Variants in CAPZB observed in about 807,000 individuals in gnomAD.
CAPZB encodes capping actin protein of muscle Z-line subunit beta, also known as F-actin-capping protein subunit beta.
CAPZB carries 2 observed loss-of-function variants against 38.1 expected under a neutral mutation model. The observed-to-expected ratio is 0.05, with a 90% CI of 0.02 to 0.17. The LOEUF is 0.17. CAPZB is among the 10% of genes least tolerant of loss of function. The pLI is 1.00. For missense variants in CAPZB, 161 were observed against 334.2 expected (o/e 0.48, Z 4.04); for synonymous variants, 107 against 127.4 (o/e 0.84, Z 1.08).
At chr1:19,470,657 C>CGG (rs1045939933) in intron 1 of CAPZB, among the ~76,000 whole-genome samples, 24 of 152,332 alleles carry the variant, frequency 1.6e-4, no homozygotes, top group African/African-American at 5.1e-4. Flanking sequence ...AAGCCCCAAA[C>CGG]CCCTGTGAGC....
intron 2 of CAPZB, among the ~76,000 whole-genome samples, chr1:19,416,381 CA>C (rs1380068192): frequency 9.2e-5 from 14 of 152,306 alleles, no homozygotes; most frequent in African/African-American, 3.4e-4. Flanking sequence ...TCCCAAGCCA[CA>C]TCCCTATCCT....
intron 1 of CAPZB, among the ~76,000 whole-genome samples, chr1:19,482,330 A>G (rs2094632428): frequency 6.6e-6 from 1 of 152,258 alleles, no homozygotes; most frequent in South Asian, 2.1e-4. Flanking sequence ...GAGTTGAACA[A>G]TGTGTCTTAT....
intron 6 of CAPZB, among the ~76,000 whole-genome samples, chr1:19,353,007 C>A (rs969873057): frequency 1.3e-5 from 2 of 152,232 alleles, no homozygotes; most frequent in Non-Finnish European, 1.5e-5. Flanking sequence ...CTGCGAGGTG[C>A]CAGCAAGCCA....
chr1:19,461,537 G>A (rs1164721221), intron 1 of CAPZB, among the ~76,000 whole-genome samples: 1 of 152,210 alleles, frequency 6.6e-6, no homozygotes, highest in African/African-American at 2.4e-5. Flanking sequence ...TGGCTTCCAC[G>A]CATGCTTCCT....
chr1:19,372,053 C>T (rs539616517), intron 4 of CAPZB, among the ~76,000 whole-genome samples: 4 of 152,330 alleles, frequency 2.6e-5, no homozygotes, highest in South Asian at 4.1e-4. Context: ...GCCATGAGGA[C>T]GCCAGCCTTG....
chr1:19,461,035 C>T (rs1435055363), intron 1 of CAPZB, among the ~76,000 whole-genome samples: 1 of 144,580 alleles, frequency 6.9e-6, no homozygotes, highest in Non-Finnish European at 1.5e-5. Context: ...AGTTCATCTT[C>T]ACTCAGATGC....
At chr1:19,399,243 A>G (rs996596128) in intron 2 of CAPZB, among the ~76,000 whole-genome samples, 14 of 152,248 alleles carry the variant, frequency 9.2e-5, no homozygotes, top group Non-Finnish European at 2.1e-4. Context: ...TTATATCTCC[A>G]GAAAGCTGTT....
chr1:19,357,621 G>A lies in CAPZB; in HGVS notation c.330-58C>T, dbSNP rs769676032. 13 of 1,572,312 alleles carry A rather than the reference G, an allele frequency of 8.3e-6. No individual in the cohort carries two copies. The highest frequency in any genetic ancestry group is 1.4e-5 in the African/African-American group (1 of 73,734). On this transcript the variant is annotated intron_variant, in intron 4 of 8. Transcript: ENST00000264202. This position sits in a 1 kb window ranked among gnomAD's most constrained non-coding sequence, Gnocchi z 4.3. ...GCTAAAGGACAGATCATCAGCCTGG[G>A]TCCCAGGCTGCTGCTCAGCAAAGAT...
intron 6 of CAPZB, among the ~76,000 whole-genome samples, chr1:19,346,485 G>GTAGA (rs1248583272): frequency 6.7e-6 from 1 of 148,460 alleles, no homozygotes; most frequent in Non-Finnish European, 1.5e-5. Flanking sequence ...AAAAGAAAGG[G>GTAGA]TAGAGTTCAA....
At chr1:19,482,672 G>A (rs2094633894) in intron 1 of CAPZB, among the ~76,000 whole-genome samples, 1 of 152,184 alleles carries the variant, frequency 6.6e-6, no homozygotes, top group South Asian at 2.1e-4. Context: ...AAAAATCATG[G>A]AATTCATTCC....
intron 2 of CAPZB, among the ~76,000 whole-genome samples, chr1:19,399,862 A>G (rs551633636): frequency 6.6e-6 from 1 of 152,316 alleles, no homozygotes; most frequent in African/African-American, 2.4e-5. Flanking sequence ...GAGTTACTCA[A>G]AAGTTTGTGT....
At chr1:19,343,165 C>G (rs1017427624) in intron 8 of CAPZB, among the ~76,000 whole-genome samples, 1 of 152,218 alleles carries the variant, frequency 6.6e-6, no homozygotes, top group Admixed American at 6.5e-5. Flanking sequence ...TTTGGTGTAT[C>G]GGGCAGTGGC....
intron 2 of CAPZB, among the ~76,000 whole-genome samples, chr1:19,412,143 G>A (rs887025869): frequency 1.3e-5 from 2 of 152,166 alleles, no homozygotes; most frequent in African/African-American, 2.4e-5. Flanking sequence ...CTTGTAAAAC[G>A]GGAACTATAG....
intron 1 of CAPZB, among the ~76,000 whole-genome samples, chr1:19,442,077 A>G (rs12042240): frequency 0.28 from 42,021 of 150,018 alleles, 6,663 homozygotes; most frequent in Middle Eastern, 0.39. Flanking sequence ...TGATAGCTCC[A>G]AATGCTGAAA....
intron 4 of CAPZB, among the ~76,000 whole-genome samples, chr1:19,361,604 T>C (rs982439160): frequency 2.0e-5 from 3 of 152,266 alleles, no homozygotes; most frequent in African/African-American, 7.2e-5. Context: ...GAAGCATTAA[T>C]TAAAGGGGGA....
At chr1:19,479,078 T>A (rs1374789261) in intron 1 of CAPZB, among the ~76,000 whole-genome samples, 1 of 152,054 alleles carries the variant, frequency 6.6e-6, no homozygotes, top group Non-Finnish European at 1.5e-5. Context: ...GGCATGGTGG[T>A]ACGCACCTGT....
intron 1 of CAPZB, among the ~76,000 whole-genome samples, chr1:19,438,867 G>A (rs1391239849): frequency 1.3e-5 from 2 of 152,200 alleles, no homozygotes; most frequent in Admixed American, 6.5e-5. Context: ...AGGAACGGTC[G>A]CTCCCTCCCT....
intron 2 of CAPZB, among the ~76,000 whole-genome samples, chr1:19,409,841 C>T (rs548246365): frequency 6.6e-6 from 1 of 152,332 alleles, no homozygotes; most frequent in Admixed American, 6.5e-5. Flanking sequence ...TCGGCACTGG[C>T]TTATGCACCT....
intron 2 of CAPZB, among the ~76,000 whole-genome samples, chr1:19,410,149 C>T (rs1317455909): frequency 6.6e-6 from 1 of 152,232 alleles, no homozygotes; most frequent in African/African-American, 2.4e-5. Flanking sequence ...TGGAGCTCTG[C>T]AGCTGTCTTC....
Sources: gnomAD v4.1 joint callset for allele counts (sites outside exome capture counted in the v4.1 genomes callset) on GRCh38, gnomAD v4.1.1 for gene constraint, Gnocchi (gnomAD v3.1) non-coding constraint, MANE v1.5 for transcripts, NCBI Gene and HGNC (gene_info 2026-07-23, HGNC 2026-07-21) for gene names.